The following CFAP52 variants were observed in gnomAD, a reference collection of about 807,000 sequenced individuals.
CFAP52 encodes cilia- and flagella-associated protein 52.
Under a neutral mutation model 70.5 loss-of-function variants are expected in CFAP52, and 57 were observed. That is an observed-to-expected ratio of 0.81 (90% CI 0.65 to 1.01). The LOEUF is 1.01. Ranked by LOEUF, CFAP52 falls within the 50% of genes least tolerant of loss-of-function variation. The pLI, the probability that CFAP52 is intolerant of heterozygous loss-of-function variation, is 0.00. For missense variants in CFAP52, 785 were observed against 788.5 expected, an observed-to-expected ratio of 1.00 and a Z score of 0.05; for synonymous variants, 267 against 292.5, an observed-to-expected ratio of 0.91 and a Z score of 0.89.
At chr17:9,585,998 G>A (rs377330350) in intron 2 of CFAP52, 26 bp downstream of exon 2, 22 of 1,611,432 alleles carry the variant, frequency 1.4e-5, no homozygotes, top group African/African-American at 2.7e-5. Context: ...ACGACTCATT[G>A]TCAATTTATC....
chr17:9,596,077 A>ATATC (rs1909002523), intron 4 of CFAP52, among the ~76,000 whole-genome samples: 1 of 137,754 alleles, frequency 7.3e-6, no homozygotes, highest in African/African-American at 2.6e-5. Flanking sequence ...ATATATATAT[A>ATATC]TATATATATA....
intron 9 of CFAP52, among the ~76,000 whole-genome samples, chr17:9,629,593 G>A (rs1227641638): frequency 1.3e-4 from 18 of 140,096 alleles, no homozygotes; most frequent in Non-Finnish European, 2.1e-4. Context: ...TGTTGCCCAA[G>A]CTGGAGTGCA....
rs73253897 is a variant in CFAP52 at position 9,633,212 on chromosome 17, A to G, written c.1320+179A>G. The stretch of plus-strand genomic sequence containing the variant: ...AAAAGTTCTAATATTATAAATGTAT[A>G]CTTATTTTGAAATGGAGTCTCACTC... On this transcript the variant is annotated intron_variant, in intron 10 of 13. Coordinates refer to ENST00000352665, the MANE Select transcript of CFAP52 (RefSeq NM_145054.5). Among the ~76,000 whole-genome samples the G allele has an allele frequency of 0.013, 1,989 of 152,274 alleles. 41 individuals carry two copies. The highest frequency in any genetic ancestry group is 0.044 in the African/African-American group (1,811 of 41,560).
chr17:9,596,059 G>GTGTGTGCA (rs1555541607), intron 4 of CFAP52, among the ~76,000 whole-genome samples: 1 of 85,206 alleles, frequency 1.2e-5, no homozygotes, highest in Non-Finnish European at 2.3e-5. Context: ...ATATGTGTGT[G>GTGTGTGCA]TATATATATA....
chr17:9,608,063 TTA>T, intron 6 of CFAP52, 54 bp from the exon 7 acceptor site: 1 of 1,464,698 alleles, frequency 6.8e-7, no homozygotes, highest in Non-Finnish European at 9.4e-7. Flanking sequence ...AGTACATTCT[TTA>T]GTGGTGATTT....
At chr17:9,637,934 C>A (rs1016889837) in intron 11 of CFAP52, among the ~76,000 whole-genome samples, 4 of 152,130 alleles carry the variant, frequency 2.6e-5, no homozygotes, top group African/African-American at 9.7e-5. Context: ...TTGCGGGAGG[C>A]CAGCTCCCTC....
chr17:9,594,800 T>C (rs1204284596), intron 4 of CFAP52, among the ~76,000 whole-genome samples: 2 of 152,064 alleles, frequency 1.3e-5, no homozygotes, highest in East Asian at 3.9e-4. Flanking sequence ...AGCTGAAAGT[T>C]TGAACAGAGG....
At chr17:9,599,580 G>C (rs948078406) in intron 5 of CFAP52, among the ~76,000 whole-genome samples, 2 of 152,062 alleles carry the variant, frequency 1.3e-5, no homozygotes, top group African/African-American at 4.8e-5. Context: ...CCCTTACCCT[G>C]CTCCCCTCAG....
At position 9,608,230 on chromosome 17, in the gene CFAP52, G is replaced by A. The variant is rs1567627938; in HGVS notation, c.854+11G>A. The A allele has an allele frequency of 1.9e-6, 3 of 1,598,678 alleles. No homozygotes were observed. The highest frequency in any genetic ancestry group is 2.6e-6 in the Non-Finnish European group (3 of 1,171,170). On this transcript the variant is annotated intron_variant, in intron 7 of 13. Coordinates refer to ENST00000352665, the MANE Select transcript of CFAP52 (RefSeq NM_145054.5). ...CTACAAACCCATCAAGTAAGTTCCG[G>A]GTCTCACACAGTGGGGCTGGGTAGA...
At chr17:9,600,474 C>G (rs1909218764) in intron 6 of CFAP52, among the ~76,000 whole-genome samples, 1 of 152,042 alleles carries the variant, frequency 6.6e-6, no homozygotes, top group South Asian at 2.1e-4. Flanking sequence ...AACTCCTGAC[C>G]TCAAGTGATC....
Position 9,598,344 on chromosome 17 carries a change from A to G in CFAP52, c.636+11A>G. On this transcript the variant is annotated intron_variant, in intron 5 of 13. Coordinates refer to ENST00000352665, the MANE Select transcript of CFAP52 (RefSeq NM_145054.5). ...GTCATGAGTATTGGAGTAAGTATTAATTTAAGTATTAAGTAACAATTAGCA... is the reference window on the plus strand; with the variant it reads ...GTCATGAGTATTGGAGTAAGTATTAGTTTAAGTATTAAGTAACAATTAGCA... 1 of 1,601,286 alleles carries G rather than the reference A, an allele frequency of 6.2e-7. No homozygotes were observed. Among genetic ancestry groups the G allele is most frequent in the Non-Finnish European group, 8.5e-7 (1 of 1,172,962 alleles).
chr17:9,606,382 AATAC>A (rs1487361226), intron 6 of CFAP52, among the ~76,000 whole-genome samples: 1 of 12,240 alleles, frequency 8.2e-5, no homozygotes, highest in Non-Finnish European at 1.8e-4. Context: ...CTGTCTCCAA[AATAC>A]ACACACACAC....
At chr17:9,639,206 G>A (rs1396530628) in intron 12 of CFAP52, 1 of 153,594 alleles carries the variant, frequency 6.5e-6, no homozygotes, top group Non-Finnish European at 1.4e-5. Flanking sequence ...GAGGCGGGTG[G>A]ATCACCTGAG....
chr17:9,587,218 C>T (rs758725045), intron 3 of CFAP52, among the ~76,000 whole-genome samples: 3 of 152,184 alleles, frequency 2.0e-5, no homozygotes, highest in Admixed American at 6.5e-5. Context: ...TTTATGGCTG[C>T]GTAGTAGTCC....
chr17:9,643,567 TTG>T (rs1911187946), downstream of CFAP52: 1 of 157,986 alleles, frequency 6.3e-6, no homozygotes, highest in Non-Finnish European at 1.4e-5. Flanking sequence ...TCCTTCTTAA[TTG>T]CCATTTCATT....
At chr17:9,610,293 T>G (rs1909663711) in intron 7 of CFAP52, 1 of 152,230 alleles carries the variant, frequency 6.6e-6, no homozygotes, top group Non-Finnish European at 1.5e-5. Context: ...GTTTTTAGTG[T>G]GTGTACATTC....
intron 7 of CFAP52, among the ~76,000 whole-genome samples, chr17:9,609,065 C>T (rs906453034): frequency 6.6e-6 from 1 of 152,126 alleles, no homozygotes; most frequent in South Asian, 2.1e-4. Context: ...CCAGATACCC[C>T]ACACATGTGC....
At chr17:9,623,413 C>T (rs1206833881) in intron 8 of CFAP52, among the ~76,000 whole-genome samples, 1 of 151,870 alleles carries the variant, frequency 6.6e-6, no homozygotes, top group Admixed American at 6.6e-5. Context: ...ATGTTTAATC[C>T]ATTTACATTT....
chr17:9,644,865 T>G (rs554132110), downstream of CFAP52: 1 of 152,286 alleles, frequency 6.6e-6, no homozygotes, highest in South Asian at 2.1e-4. Flanking sequence ...TGAGCCCCCT[T>G]CCTTGCCGAT....
Sources: gnomAD v4.1 joint callset for allele counts (sites outside exome capture counted in the v4.1 genomes callset) on GRCh38, gnomAD v4.1.1 for gene constraint, MANE v1.5 for transcripts, NCBI Gene and HGNC (gene_info 2026-07-23, HGNC 2026-07-21) for gene names.